Variants in ZNF395 observed in about 807,000 individuals in gnomAD.
ZNF395 encodes the protein HD gene regulatory region-binding protein 2.
ZNF395 carries 20 observed loss-of-function variants against 57.7 expected under a neutral mutation model. The observed-to-expected ratio is 0.35, with a 90% CI of 0.24 to 0.50. The LOEUF is 0.50. Ranked by LOEUF, ZNF395 falls within the 20% of genes least tolerant of loss-of-function variation. The pLI, the probability that ZNF395 is intolerant of heterozygous loss-of-function variation, is 0.97. For missense variants in ZNF395, 606 were observed against 671.2 expected (o/e 0.90, Z 1.07); for synonymous variants, 295 against 275.9 (o/e 1.07, Z -0.69).
At position 28,352,881 on chromosome 8, in the gene ZNF395, C is replaced by T. The variant is rs535582004; in HGVS notation, c.820-208G>A. On this transcript the variant is annotated intron_variant, in intron 5 of 9. Coordinates refer to ENST00000344423, the MANE Select transcript of ZNF395 (RefSeq NM_018660.3). This position sits in a 1 kb window ranked among gnomAD's most constrained non-coding sequence, Gnocchi z 4.0. Reference sequence around the variant, plus strand: ...ATGGTCCTAGTGGCCAACAGCAGTGCTCCATGCTGTGGCTAAGACCCTACT... The same window carrying T: ...ATGGTCCTAGTGGCCAACAGCAGTGTTCCATGCTGTGGCTAAGACCCTACT... Among the ~76,000 whole-genome samples the T allele has an allele frequency of 2.0e-5, 3 of 152,346 alleles. No individual in the cohort carries two copies. The East Asian group carries it at 5.8e-4, about 29-fold the overall frequency.
intron 1 of ZNF395, among the ~76,000 whole-genome samples, chr8:28,371,401 G>A (rs908163153): frequency 2.0e-5 from 3 of 152,092 alleles, no homozygotes; most frequent in Admixed American, 6.6e-5. Flanking sequence ...GGCTTTTCTC[G>A]AATTCCTGGG....
In ZNF395 at chr8:28,348,844, G is replaced by T. The variant is rs960801005; in HGVS notation, c.1431-14C>A. On this transcript the variant is annotated splice_polypyrimidine_tract_variant and intron_variant, in intron 9 of 9. Coordinates refer to ENST00000344423, the MANE Select transcript of ZNF395 (RefSeq NM_018660.3). ...CCTCGGGCTTTCCTGCAGAAAGAGA[G>T]GAATGCAAATCGAGCCCCACACAGG... The T allele has an allele frequency of 6.2e-7, 1 of 1,613,570 alleles. No homozygotes were observed. The highest frequency in any genetic ancestry group is 1.1e-5 in the South Asian group (1 of 91,084).
At chr8:28,369,334 T>C (rs552621527) in intron 1 of ZNF395, among the ~76,000 whole-genome samples, 1 of 152,208 alleles carries the variant, frequency 6.6e-6, no homozygotes, top group Admixed American at 6.5e-5. Flanking sequence ...TATCTGACAA[T>C]GCCAAACCGA....
At chr8:28,354,133 A>G (rs1801752464) in intron 4 of ZNF395, among the ~76,000 whole-genome samples, 1 of 152,182 alleles carries the variant, frequency 6.6e-6, no homozygotes, top group Non-Finnish European at 1.5e-5. Flanking sequence ...TGGTCATCGC[A>G]AGGTGGCAGG....
chr8:28,360,946 TC>T lies in ZNF395; in HGVS notation c.178del (p.Glu60LysfsTer45). ...DDTPCQEQPK[E>X]VLKAPSTSGL... ...CGAGGTGCTGGGAGCCTTAAGGACTTCCTTGGGCTGCTCCTGGCAGGGGGTG... is the reference window on the plus strand; with the variant it reads ...CGAGGTGCTGGGAGCCTTAAGGACTTCTTGGGCTGCTCCTGGCAGGGGGTG... On this transcript the variant is annotated frameshift_variant, in exon 2 of 10. Transcript: ENST00000344423. LOFTEE classifies it high-confidence loss of function. 6.2e-7 allele frequency: 1 copy of T among 1,613,820 alleles called. No individual in the cohort carries two copies. Among genetic ancestry groups the T allele is most frequent in the Non-Finnish European group, 8.5e-7 (1 of 1,179,914 alleles).
At chr8:28,376,636 G>A (rs1802044133) in intron 1 of ZNF395, among the ~76,000 whole-genome samples, 1 of 151,290 alleles carries the variant, frequency 6.6e-6, no homozygotes, top group African/African-American at 2.4e-5. Flanking sequence ...AAAAAAAAAA[G>A]GCATGTTAGC....
intron 9 of ZNF395, 34 bp from the exon 10 acceptor site, chr8:28,348,864 C>T (rs778883037): frequency 6.2e-7 from 1 of 1,608,498 alleles, no homozygotes; most frequent in South Asian, 1.1e-5. Context: ...TCGAGCCCCA[C>T]ACAGGTGGTG....
chr8:28,353,181 T>A lies in ZNF395; in HGVS notation c.811A>T (p.Lys271Ter). 1 of 1,613,746 alleles carries A rather than the reference T, an allele frequency of 6.2e-7. No individual in the cohort carries two copies. The highest frequency in any genetic ancestry group is 8.5e-7 in the Non-Finnish European group (1 of 1,179,994). ...ACACCACAATCACGTACCTTTCTTTTTCGTGGAGCTGGTTCGTCCAGCAGG... is the reference window on the plus strand; with the variant it reads ...ACACCACAATCACGTACCTTTCTTTATCGTGGAGCTGGTTCGTCCAGCAGG... ...PFLLDEPAPRKRKNSVKVMYK... is the reference protein window; with the variant it reads ...PFLLDEPAPR Residue 271 changes from lysine (K) to a stop codon, truncating the protein, a stop_gained, in exon 5 of 10, where the codon AAA becomes TAA. Transcript: ENST00000344423. LOFTEE classifies it high-confidence loss of function.
At chr8:28,355,471 T>G (rs1462350055) in intron 4 of ZNF395, among the ~76,000 whole-genome samples, 1 of 152,024 alleles carries the variant, frequency 6.6e-6, no homozygotes, top group Non-Finnish European at 1.5e-5. Context: ...ACAAAGGGAC[T>G]TAAAATTGTC....
intron 1 of ZNF395, chr8:28,386,008 GC>G (rs2130008848): frequency 6.8e-6 from 1 of 147,106 alleles, no homozygotes; most frequent in South Asian, 2.1e-4. Flanking sequence ...GCTCACCTCG[GC>G]CCGCCACGAG....
At chr8:28,374,725 A>C (rs1249079973) in intron 1 of ZNF395, among the ~76,000 whole-genome samples, 1 of 152,210 alleles carries the variant, frequency 6.6e-6, no homozygotes, top group Non-Finnish European at 1.5e-5. Context: ...AAGAGAAAGT[A>C]TGTCAATGGG....
intron 1 of ZNF395, among the ~76,000 whole-genome samples, chr8:28,379,842 TA>T (rs748360582): frequency 0.015 from 1,892 of 123,782 alleles, 30 homozygotes; most frequent in African/African-American, 0.033. Context: ...ATACAAACGT[TA>T]AAAAAAAAAA....
chr8:28,355,659 G>A (rs1439117721), intron 4 of ZNF395, among the ~76,000 whole-genome samples: 1 of 152,126 alleles, frequency 6.6e-6, no homozygotes, highest in African/African-American at 2.4e-5. Context: ...AAACTCTCCT[G>A]AGAACTTAGA....
intron 1 of ZNF395, among the ~76,000 whole-genome samples, chr8:28,376,272 G>A (rs1802039335): frequency 6.6e-6 from 1 of 152,110 alleles, no homozygotes; most frequent in Non-Finnish European, 1.5e-5. Context: ...AAAGTGCTTG[G>A]ATTACAGGCG....
intron 1 of ZNF395, chr8:28,385,920 A>C (rs1190339105): frequency 7.0e-6 from 1 of 142,850 alleles, no homozygotes; most frequent in Non-Finnish European, 1.5e-5. Context: ...CGCCGGCCCG[A>C]CAGCCGCGGG....
intron 1 of ZNF395, among the ~76,000 whole-genome samples, chr8:28,364,431 C>G (rs1243278939): frequency 6.6e-6 from 1 of 152,138 alleles, no homozygotes; most frequent in East Asian, 1.9e-4. Flanking sequence ...GCAGGCAGAT[C>G]ACTTGAGGTC....
Position 28,360,848 on chromosome 8 carries a change from C to T in ZNF395, c.240+37G>A, listed in dbSNP as rs557922090. 34 of 1,605,580 alleles carry T rather than the reference C, an allele frequency of 2.1e-5. No individual in the cohort carries two copies. The South Asian group carries it at 3.5e-4, about 16-fold the overall frequency. ...CCCCAGCCCCCTACCCCAAGACTGG[C>T]AAGACGGGACACCTGTCCATGTTGG... On this transcript the variant is annotated intron_variant, in intron 2 of 9. Transcript: ENST00000344423.
chr8:28,368,139 T>TG (rs1055599768), intron 1 of ZNF395, among the ~76,000 whole-genome samples: 5 of 151,956 alleles, frequency 3.3e-5, no homozygotes, highest in African/African-American at 1.2e-4. Context: ...GGTGGGGAGA[T>TG]GGATGATTGC....
At chr8:28,355,551 T>C (rs926070277) in intron 4 of ZNF395, among the ~76,000 whole-genome samples, 2 of 152,078 alleles carry the variant, frequency 1.3e-5, no homozygotes, top group African/African-American at 2.4e-5. Context: ...GTATTATACA[T>C]ACCCTCATGA....
Sources: gnomAD v4.1 joint callset for allele counts (sites outside exome capture counted in the v4.1 genomes callset) on GRCh38, gnomAD v4.1.1 for gene constraint, Gnocchi (gnomAD v3.1) non-coding constraint, MANE v1.5 for transcripts, NCBI Gene and HGNC (gene_info 2026-07-23, HGNC 2026-07-21) for gene names.